CLUH: variants seen among roughly 807,000 people sequenced by gnomAD.
CLUH encodes the protein clustered mitochondria protein homolog.
In CLUH, 77 loss-of-function variants were observed where a neutral mutation model predicts 139.3. The observed-to-expected ratio is 0.55, with a 90% CI of 0.46 to 0.67. The LOEUF (loss-of-function observed/expected upper bound fraction) is 0.67. Ranked by LOEUF, CLUH falls within the 30% of genes least tolerant of loss-of-function variation. The pLI, the probability that CLUH is intolerant of heterozygous loss-of-function variation, is 0.00. For missense variants in CLUH, 1,876 were observed against 1,875.8 expected (o/e 1.00, Z 0.00); for synonymous variants, 999 against 801.6 (o/e 1.25, Z -4.16).
rs761215867 is a variant in CLUH at position 2,698,159 on chromosome 17, G to A, written c.1698C>T (p.Leu566=). Residue 566 remains leucine (L), a synonymous_variant, in exon 10 of 26, where the codon CTC becomes CTT. Transcript: ENST00000651024. The part of the protein sequence containing the change: ...LELLERTSRP[L]KILRHQVLND... Reference sequence around the variant, plus strand: ...TGAGCACCTGGTGCCGCAGGATCTTGAGGGGCCGACTCGTGCGCTCCAGCA... The same window carrying A: ...TGAGCACCTGGTGCCGCAGGATCTTAAGGGGCCGACTCGTGCGCTCCAGCA... 2 of 1,578,314 alleles carry A rather than the reference G, an allele frequency of 1.3e-6. No homozygotes were observed. The highest frequency in any genetic ancestry group is 1.8e-5 in the Admixed American group (1 of 54,236).
chr17:2,700,562 G>A, intron 8 of CLUH, 88 bp from the exon 9 acceptor site: 3 of 1,549,064 alleles, frequency 1.9e-6, no homozygotes, highest in East Asian at 2.3e-5. Flanking sequence ...TTCCTGAGAA[G>A]AGCCCCAGAC....
rs765554834 is a variant in CLUH at position 2,695,404 on chromosome 17, G to A, written c.2514C>T (p.Ser838=). 4.3e-6 allele frequency: 7 copies of A among 1,612,580 alleles called. No homozygotes were observed. The East Asian group carries it at 6.7e-5, about 15-fold the overall frequency. Residue 838 remains serine (S), a synonymous_variant, in exon 14 of 26, where the codon AGC becomes AGT. Coordinates refer to ENST00000651024, the MANE Select transcript of CLUH (RefSeq NM_001366661.1). ...CGTGGTCCAGCTGGTGGCGGGCCGGGCTCCGCAGCACCAGCTCCAGCACCT... is the reference window on the plus strand; with the variant it reads ...CGTGGTCCAGCTGGTGGCGGGCCGGACTCCGCAGCACCAGCTCCAGCACCT... ...LGKVLELVLR[S]PARHQLDHVF...
chr17:2,701,271 G>A lies in CLUH; in HGVS notation c.900-6C>T, dbSNP rs762814634. Reference sequence around the variant, plus strand: ...TGAAGTGATAAGCTGTGGACCTGCAGGGAGAGGGCGGGCACTGAGCGGGGG... The same window carrying A: ...TGAAGTGATAAGCTGTGGACCTGCAAGGAGAGGGCGGGCACTGAGCGGGGG... On this transcript the variant is annotated splice_polypyrimidine_tract_variant and splice_region_variant and intron_variant, in intron 6 of 25. Coordinates refer to ENST00000651024, the MANE Select transcript of CLUH (RefSeq NM_001366661.1). The A allele has an allele frequency of 6.2e-7, 1 of 1,611,230 alleles. No homozygotes were observed. The highest frequency in any genetic ancestry group is 1.7e-5 in the Admixed American group (1 of 59,606).
In CLUH at chr17:2,691,687, G is replaced by C; in HGVS notation, c.3790-5C>G. 1 of 1,611,816 alleles carries C rather than the reference G, an allele frequency of 6.2e-7. No individual in the cohort carries two copies. The highest frequency in any genetic ancestry group is 1.3e-5 in the African/African-American group (1 of 75,012). ...GGCCATGCTGGGGGCCGTGAACTGCGGGGCGGGGAAACCAGCGGTGAGCGG... is the reference window on the plus strand; with the variant it reads ...GGCCATGCTGGGGGCCGTGAACTGCCGGGCGGGGAAACCAGCGGTGAGCGG... On this transcript the variant is annotated splice_region_variant and splice_polypyrimidine_tract_variant and intron_variant, in intron 24 of 25. Coordinates refer to ENST00000651024, the MANE Select transcript of CLUH (RefSeq NM_001366661.1).
Position 2,694,514 on chromosome 17 carries a change from A to G in CLUH, c.2903T>C (p.Leu968Pro). ...VETYGLQKIT[L>P]LREISLKTGI... is the part of the protein sequence containing the mutation. Reference sequence around the variant, plus strand: ...TGTTTTCAGCGAGATCTCCCGCAGGAGCGTTATCTTCTGCAGGCCGTAGGT... The same window carrying G: ...TGTTTTCAGCGAGATCTCCCGCAGGGGCGTTATCTTCTGCAGGCCGTAGGT... Residue 968 changes from leucine (L) to proline (P), a missense_variant, in exon 17 of 26, where the codon CTC becomes CCC. Physicochemically the swap from Leu to Pro is moderately conservative, Grantham distance 98. Transcript: ENST00000651024. The G allele has an allele frequency of 6.3e-7, 1 of 1,584,386 alleles. No homozygotes were observed. Among genetic ancestry groups the G allele is most frequent in the Non-Finnish European group, 8.6e-7 (1 of 1,165,772 alleles).
chr17:2,697,867 G>T, intron 10 of CLUH, 29 bp downstream of exon 10: 1 of 1,450,304 alleles, frequency 6.9e-7, no homozygotes, highest in Non-Finnish European at 9.1e-7. Flanking sequence ...AGCTGGCCCC[G>T]GCCCTGGTCC....
chr17:2,690,462 G>A lies in CLUH; in HGVS notation c.*132C>T. 2.6e-6 allele frequency: 2 copies of A among 775,340 alleles called. No homozygotes were observed. The highest frequency in any genetic ancestry group is 3.7e-6 in the Non-Finnish European group (2 of 541,400). The allele number at this position is 775,340 out of a possible 1,614,324, so 48.0% of individuals were successfully genotyped here. ...GCAGGCCAGGCTCCCAGGAGGACAC[G>A]GGGGTGGGGTGGGGTGAGACGTGGA... is the stretch of plus-strand genomic sequence containing the variant. On this transcript the variant is annotated 3_prime_UTR_variant, in exon 26 of 26. Coordinates refer to ENST00000651024, the MANE Select transcript of CLUH (RefSeq NM_001366661.1).
intron 1 of CLUH, among the ~76,000 whole-genome samples, chr17:2,708,868 G>C (rs889545050): frequency 1.8e-4 from 16 of 89,548 alleles, no homozygotes; most frequent in Middle Eastern, 7.0e-3. Context: ...CTCGGGGGGG[G>C]GGGAGCAGAA....
At chr17:2,691,956 G>GCCCCCGCCCCCGCCCCCGC (rs762374288) in intron 23 of CLUH, 48 bp downstream of exon 23, 1 of 434,088 alleles carries the variant, frequency 2.3e-6, no homozygotes, top group African/African-American at 3.2e-5. Context: ...CCCCCGCCCC[G>GCCCCCGCCCCCGCCCCCGC]CCACGCCCCC....
chr17:2,702,639 C>G (rs2151716352), intron 3 of CLUH, among the ~76,000 whole-genome samples: 1 of 152,340 alleles, frequency 6.6e-6, no homozygotes, highest in South Asian at 2.1e-4. Flanking sequence ...CAAGCAGCTT[C>G]TACCCAGAAA....
rs999403823 is a variant in CLUH at position 2,706,858 on chromosome 17, A to G, written c.101-2294T>C. ...ATGAGATCCCAAAAGTGGGGAGTCAAATACCTAGACAGAGACAGCCTGTGT... is the reference window on the plus strand; with the variant it reads ...ATGAGATCCCAAAAGTGGGGAGTCAGATACCTAGACAGAGACAGCCTGTGT... On this transcript the variant is annotated intron_variant, in intron 1 of 25. Transcript: ENST00000651024. The surrounding 1 kb of genome is among the most constrained non-coding windows in gnomAD (Gnocchi z 4.6). 1.3e-5 allele frequency among the ~76,000 whole-genome samples: 2 copies of G among 152,216 alleles called. No homozygotes were observed. Among genetic ancestry groups the G allele is most frequent in the Non-Finnish European group, 2.9e-5 (2 of 68,028 alleles).
intron 3 of CLUH, 52 bp from the exon 4 acceptor site, chr17:2,702,109 C>G: frequency 6.3e-7 from 1 of 1,589,494 alleles, no homozygotes; most frequent in Non-Finnish European, 8.6e-7. Context: ...GCACCCTGAA[C>G]AACCTGCCCA....
Position 2,697,901 on chromosome 17 carries a change from C to T in CLUH, c.1956G>A (p.Glu652=), listed in dbSNP as rs997390934. ...LRQELVDAFV[E]HRYLLFMKLA... ...CCGGCAGGGCCGCCCCTCACCTGTG[C>T]TCCACGAAGGCGTCCACCAGCTCCT... The change falls in exon 10 of 26, where the codon GAG becomes GAA. Residue 652 remains glutamate (E), a synonymous_variant. Transcript: ENST00000651024. 4.7e-6 allele frequency: 7 copies of T among 1,500,950 alleles called. No individual in the cohort carries two copies. Among genetic ancestry groups the T allele is most frequent in the Non-Finnish European group, 6.2e-6 (7 of 1,125,220 alleles). The allele number at this position is 1,500,950 out of a possible 1,614,324, so 93.0% of individuals were successfully genotyped here. A position where few individuals can be genotyped will look rare whatever the true frequency, so the allele number is the denominator to read the frequency against.
intron 19 of CLUH, 33 bp from the exon 20 acceptor site, chr17:2,692,893 G>T: frequency 6.5e-7 from 1 of 1,546,372 alleles, no homozygotes; most frequent in South Asian, 1.2e-5. Context: ...GCCGCGGCGT[G>T]GGAACCCCCA....
chr17:2,696,313 C>A, intron 12 of CLUH, 54 bp from the exon 13 acceptor site: 3 of 1,523,926 alleles, frequency 2.0e-6, no homozygotes, highest in Non-Finnish European at 2.7e-6. Flanking sequence ...ACAAATGCCG[C>A]CTGGCGCTGG....
In CLUH at chr17:2,707,400, T is replaced by C. The variant is rs1240990596; in HGVS notation, c.101-2836A>G. ...CATGGCAGCCCCAGGAAGGGCACAC[T>C]CCCCCTGCCTGGCATCCCGCTCAAG... is the stretch of plus-strand genomic sequence containing the variant. On this transcript the variant is annotated intron_variant, in intron 1 of 25. Transcript: ENST00000651024. This position sits in a 1 kb window ranked among gnomAD's most constrained non-coding sequence, Gnocchi z 7.4. 6 of 984,858 alleles carry C rather than the reference T, an allele frequency of 6.1e-6. No individual in the cohort carries two copies. Among genetic ancestry groups the C allele is most frequent in the African/African-American group, 1.8e-5 (1 of 57,084 alleles). The allele number at this position is 984,858 out of a possible 1,614,324, so 61.0% of individuals were successfully genotyped here. A position where few individuals can be genotyped will look rare whatever the true frequency, so the allele number is the denominator to read the frequency against.
chr17:2,695,128 T>G (rs1176955538), intron 15 of CLUH, 27 bp from the exon 16 acceptor site: 1 of 1,612,570 alleles, frequency 6.2e-7, no homozygotes, highest in Non-Finnish European at 8.5e-7. Context: ...ATCCGAGTCA[T>G]GAGGGCCCTC....
In CLUH at chr17:2,691,964, CCCGCCCCGCCCCCGCCCCCGCCA is replaced by C. The variant is rs777091446; in HGVS notation, c.3654+17_3654+39del. The stretch of plus-strand genomic sequence containing the variant: ...GGCCCCGCCCCCGCCCCGCCACGCC[CCCGCCCCGCCCCCGCCCCCGCCA>C]CGCCCCCGCCGCGCACCTGCGTCTT... On this transcript the variant is annotated intron_variant, in intron 23 of 25. Coordinates refer to ENST00000651024, the MANE Select transcript of CLUH (RefSeq NM_001366661.1). 3.0e-3 allele frequency: 2,065 copies of C among 684,218 alleles called. 111 individuals carry two copies. In the African/African-American group the frequency reaches 0.047, roughly 16 times the overall value. The allele number at this position is 684,218 out of a possible 1,614,324, so 42.4% of individuals were successfully genotyped here.
At chr17:2,696,688 G>C (rs763836976) in intron 11 of CLUH, 31 bp downstream of exon 11, 6 of 1,607,076 alleles carry the variant, frequency 3.7e-6, no homozygotes, top group Non-Finnish European at 5.1e-6. Context: ...GCCAGCCCGG[G>C]CTCTCTCCCG....
Sources: gnomAD v4.1 joint callset for allele counts (sites outside exome capture counted in the v4.1 genomes callset) on GRCh38, gnomAD v4.1.1 for gene constraint, Gnocchi (gnomAD v3.1) non-coding constraint, MANE v1.5 for transcripts, NCBI Gene and HGNC (gene_info 2026-07-23, HGNC 2026-07-21) for gene names.